Variants in ERLIN2 observed in about 807,000 individuals in gnomAD.
ERLIN2 encodes ER lipid raft associated 2, also known as erlin-2.
A neutral mutation model predicts 41.5 loss-of-function variants in ERLIN2; 22 were observed. The observed-to-expected ratio is 0.53, with a 90% CI of 0.38 to 0.76. The LOEUF is 0.76. ERLIN2 is among the 30% of genes least tolerant of loss of function. The pLI is 0.00. For missense variants in ERLIN2, 247 were observed against 414.3 expected, an observed-to-expected ratio of 0.60 and a Z score of 3.51; for synonymous variants, 149 against 150.9, an observed-to-expected ratio of 0.99 and a Z score of 0.09.
In ERLIN2 at chr8:37,740,407, T is replaced by C; in HGVS notation, c.150T>C (p.His50=). 1.2e-6 allele frequency: 2 copies of C among 1,613,294 alleles called. No homozygotes were observed. The highest frequency in any genetic ancestry group is 1.7e-6 in the Non-Finnish European group (2 of 1,179,522). Residue 50 remains histidine (H), a synonymous_variant, in exon 3 of 12, where the codon CAT becomes CAC. Transcript: ENST00000519638. ...CTTCGACCAGCGGCCCTGGTTTCCA[T>C]CTCATGCTCCCTTTCATCACATCAT... The part of the protein sequence containing the change: ...LLTSTSGPGF[H]LMLPFITSYK...
intron 9 of ERLIN2, among the ~76,000 whole-genome samples, chr8:37,751,215 T>C (rs1413690706): frequency 6.6e-6 from 1 of 152,128 alleles, no homozygotes; most frequent in Non-Finnish European, 1.5e-5. Flanking sequence ...ATATGGCAAG[T>C]AAGGGGTGGA....
In ERLIN2 at chr8:37,740,395, C is replaced by G. The variant is rs747353453; in HGVS notation, c.138C>G (p.Gly46=). ...RGGALLTSTS[G]PGFHLMLPFI... Reference sequence around the variant, plus strand: ...GTGCCCTGCTGACTTCGACCAGCGGCCCTGGTTTCCATCTCATGCTCCCTT... The same window carrying G: ...GTGCCCTGCTGACTTCGACCAGCGGGCCTGGTTTCCATCTCATGCTCCCTT... Residue 46 remains glycine (G), a synonymous_variant, in exon 3 of 12, where the codon GGC becomes GGG. Coordinates refer to ENST00000519638, the MANE Select transcript of ERLIN2 (RefSeq NM_007175.8). The G allele has an allele frequency of 1.9e-6, 3 of 1,612,890 alleles. No homozygotes were observed. Among genetic ancestry groups the G allele is most frequent in the Non-Finnish European group, 2.5e-6 (3 of 1,179,406 alleles).
rs150816707 is a variant in ERLIN2 at position 37,751,600 on chromosome 8, C to A, written c.650-26C>A. The A allele has an allele frequency of 4.2e-3, 6,663 of 1,578,644 alleles. 21 individuals carry two copies. Among genetic ancestry groups the A allele is most frequent in the Middle Eastern group, 4.7e-3 (28 of 5,998 alleles). On this transcript the variant is annotated intron_variant, in intron 9 of 11. Transcript: ENST00000519638. ...TAGTCAAACTCTGAAATGCCAGAAC[C>A]GTAATCCTCACTATCATTTATTCAG...
rs190480820 is a variant in ERLIN2 at position 37,752,615 on chromosome 8, A to G, written c.740-835A>G. ...TTCCACGCGGGGTCACACTGAGGGC[A>G]CTCAGTGAAAACCCACCCACAGACT... is the stretch of plus-strand genomic sequence containing the variant. On this transcript the variant is annotated intron_variant, in intron 10 of 11. Coordinates refer to ENST00000519638, the MANE Select transcript of ERLIN2 (RefSeq NM_007175.8). Among the ~76,000 whole-genome samples, 138 of 152,268 alleles carry G rather than the reference A, an allele frequency of 9.1e-4. 1 individual carries two copies. Among genetic ancestry groups the G allele is most frequent in the African/African-American group, 3.1e-3 (130 of 41,558 alleles).
intron 1 of ERLIN2, chr8:37,737,640 GCTGGCACGGGTTCTCC>G (rs1802697651): frequency 2.1e-6 from 1 of 465,238 alleles, no homozygotes; most frequent in Admixed American, 3.4e-5. Context: ...ACCCTACCCA[GCTGGCACGGGTTCTCC>G]CTTGAGCAAC....
rs192571475 is a variant in ERLIN2 at position 37,755,264 on chromosome 8, C to A, written c.*1149C>A. On this transcript the variant is annotated 3_prime_UTR_variant, in exon 12 of 12. Coordinates refer to ENST00000519638, the MANE Select transcript of ERLIN2 (RefSeq NM_007175.8). ...AGCAAATCAGAGTTCATGCCCAAGT[C>A]CCCAGGTTGGAATGGCTGTGCCAAA... The A allele has an allele frequency of 6.6e-6, 1 of 152,358 alleles. No individual in the cohort carries two copies. The highest frequency in any genetic ancestry group is 1.9e-4 in the East Asian group (1 of 5,188). The allele number at this position is 152,358 out of a possible 1,614,324, so 9.4% of individuals were successfully genotyped here. A position where few individuals can be genotyped will look rare whatever the true frequency, so the allele number is the denominator to read the frequency against.
rs1283988106 is a variant in ERLIN2 at position 37,741,246 on chromosome 8, G to A, written c.190-526G>A. Among the ~76,000 whole-genome samples the A allele has an allele frequency of 6.6e-6, 1 of 152,094 alleles. No individual in the cohort carries two copies. The highest frequency in any genetic ancestry group is 2.4e-5 in the African/African-American group (1 of 41,388). On this transcript the variant is annotated intron_variant, in intron 3 of 11. Transcript: ENST00000519638. This position sits in a 1 kb window ranked among gnomAD's most constrained non-coding sequence, Gnocchi z 4.8. Reference sequence around the variant, plus strand: ...CACAATAAACCATGGTCTGAAAACAGGTGACTACAGTACAATAAGATATTT... The same window carrying A: ...CACAATAAACCATGGTCTGAAAACAAGTGACTACAGTACAATAAGATATTT...
At chr8:37,739,367 A>G (rs906108357) in intron 2 of ERLIN2, among the ~76,000 whole-genome samples, 13 of 152,236 alleles carry the variant, frequency 8.5e-5, no homozygotes, top group African/African-American at 2.9e-4. Flanking sequence ...TTGGTTGGTC[A>G]TGTCATTGGA....
rs1339184582 is a variant in ERLIN2, at chr8:37,737,932, T to C, written c.10T>C (p.Leu4=). The change falls in exon 2 of 12, where the codon TTG becomes CTG. Residue 4 remains leucine (L), a synonymous_variant. Transcript: ENST00000519638. Reference sequence around the variant, plus strand: ...GGATAAAGGCTCACTGATGGCTCAGTTGGGAGCAGTTGTGGCTGTGGCTTC... The same window carrying C: ...GGATAAAGGCTCACTGATGGCTCAGCTGGGAGCAGTTGTGGCTGTGGCTTC... MAQ[L]GAVVAVASSF... The C allele has an allele frequency of 1.9e-6, 3 of 1,614,194 alleles. No individual in the cohort carries two copies. The highest frequency in any genetic ancestry group is 2.5e-6 in the Non-Finnish European group (3 of 1,180,020).
At chr8:37,740,182 A>G (rs907382661) in intron 2 of ERLIN2, among the ~76,000 whole-genome samples, 183 bp from the exon 3 acceptor site, 8 of 152,162 alleles carry the variant, frequency 5.3e-5, no homozygotes, top group African/African-American at 1.9e-4. Context: ...TTTTACCATC[A>G]GGCTTCCTAG....
Position 37,754,370 on chromosome 8 carries a change from T to C in ERLIN2, c.*255T>C. On this transcript the variant is annotated 3_prime_UTR_variant, in exon 12 of 12. Coordinates refer to ENST00000519638, the MANE Select transcript of ERLIN2 (RefSeq NM_007175.8). ...TAAATCATGGGCTTGACCTTTGACC[T>C]CTAGACACTAATTTTATCCTTTGAG... The C allele has an allele frequency of 2.1e-6, 1 of 481,798 alleles. No individual in the cohort carries two copies. The highest frequency in any genetic ancestry group is 2.1e-5 in the South Asian group (1 of 47,942). The allele number at this position is 481,798 out of a possible 1,614,324, so 29.8% of individuals were successfully genotyped here. A position where few individuals can be genotyped will look rare whatever the true frequency, so the allele number is the denominator to read the frequency against.
intron 1 of ERLIN2, chr8:37,737,051 G>C (rs1802671532): frequency 1.1e-6 from 1 of 927,396 alleles, no homozygotes; most frequent in Non-Finnish European, 1.3e-6. Flanking sequence ...GGTTACGTTA[G>C]ACCTGGGAGG....
chr8:37,744,394 G>A lies in ERLIN2; in HGVS notation c.276G>A (p.Val92=), dbSNP rs748545710. ...TCTACTTTGACAGAATTGAAGTGGTGAACTTCCTGGTCCCGAACGCAGGTA... is the reference window on the plus strand; with the variant it reads ...TCTACTTTGACAGAATTGAAGTGGTAAACTTCCTGGTCCCGAACGCAGGTA... ...VMIYFDRIEV[V]NFLVPNAVYD... The change falls in exon 5 of 12, where the codon GTG becomes GTA. Residue 92 remains valine (V), a synonymous_variant. Coordinates refer to ENST00000519638, the MANE Select transcript of ERLIN2 (RefSeq NM_007175.8). 2 of 1,614,110 alleles carry A rather than the reference G, an allele frequency of 1.2e-6. No individual in the cohort carries two copies. The highest frequency in any genetic ancestry group is 1.7e-6 in the Non-Finnish European group (2 of 1,179,994).
intron 2 of ERLIN2, among the ~76,000 whole-genome samples, chr8:37,738,245 GA>G (rs1236878016): frequency 2.0e-5 from 3 of 152,224 alleles, no homozygotes; most frequent in African/African-American, 7.2e-5. Context: ...AGTAGTCCAA[GA>G]TGATGCCATG....
intron 6 of ERLIN2, among the ~76,000 whole-genome samples, chr8:37,746,913 C>A (rs995753261): frequency 6.6e-6 from 1 of 152,186 alleles, no homozygotes; most frequent in African/African-American, 2.4e-5. Flanking sequence ...ATCTGACTTG[C>A]TATACCTAAA....
chr8:37,752,861 C>T (rs1260563165), intron 10 of ERLIN2, among the ~76,000 whole-genome samples: 3 of 152,148 alleles, frequency 2.0e-5, no homozygotes, highest in Non-Finnish European at 4.4e-5. Context: ...CAGAATCGCG[C>T]CAGCTTAATC....
chr8:37,750,163 CA>C, intron 8 of ERLIN2: 1 of 620,946 alleles, frequency 1.6e-6, no homozygotes. Flanking sequence ...AGTGGACAGG[CA>C]GGTGTATTTT....
chr8:37,745,774 T>G lies in ERLIN2; in HGVS notation c.424+1078T>G. The G allele has an allele frequency of 2.7e-6, 4 of 1,466,578 alleles. 1 individual carries two copies. In the South Asian group the frequency reaches 5.7e-5, roughly 21 times the overall value. The allele number at this position is 1,466,578 out of a possible 1,614,324, so 90.8% of individuals were successfully genotyped here. On this transcript the variant is annotated intron_variant, in intron 6 of 11. Coordinates refer to ENST00000519638, the MANE Select transcript of ERLIN2 (RefSeq NM_007175.8). Reference sequence around the variant, plus strand: ...ATGAATCTAAATTCATTTTATAGGGTTTGTAGTCTTTTATCTGTTTTGGAT... The same window carrying G: ...ATGAATCTAAATTCATTTTATAGGGGTTGTAGTCTTTTATCTGTTTTGGAT...
rs1015218809 is a variant in ERLIN2 at position 37,756,487 on chromosome 8, C to T, written c.*2372C>T. 1 of 152,586 alleles carries T rather than the reference C, an allele frequency of 6.6e-6. No homozygotes were observed. The highest frequency in any genetic ancestry group is 2.4e-5 in the African/African-American group (1 of 41,428). 9.5% of individuals were successfully genotyped at this position (152,586 alleles called of 1,614,324 possible). On this transcript the variant is annotated 3_prime_UTR_variant, in exon 12 of 12. Transcript: ENST00000519638. ...TACTAACATCCTGCGATAGCTTGTCCCATGAGCACAGAAGAGCCTCAGTAG... is the reference window on the plus strand; with the variant it reads ...TACTAACATCCTGCGATAGCTTGTCTCATGAGCACAGAAGAGCCTCAGTAG...
Sources: gnomAD v4.1 joint callset for allele counts (sites outside exome capture counted in the v4.1 genomes callset) on GRCh38, gnomAD v4.1.1 for gene constraint, Gnocchi (gnomAD v3.1) non-coding constraint, MANE v1.5 for transcripts, NCBI Gene and HGNC (gene_info 2026-07-23, HGNC 2026-07-21) for gene names.